The following PCSK7 variants were observed in gnomAD, a reference collection of about 807,000 sequenced individuals.
PCSK7 encodes the protein lymphoma proprotein convertase.
Under a neutral mutation model 73.3 loss-of-function variants are expected in PCSK7, and 38 were observed. The ratio of observed to expected loss-of-function variants is 0.52; its 90% confidence interval spans 0.40 to 0.68. PCSK7 has a LOEUF of 0.68. Ranked by LOEUF, PCSK7 falls within the 30% of genes least tolerant of loss-of-function variation. PCSK7 has a pLI of 0.00. For missense variants in PCSK7, 692 were observed against 991.5 expected (o/e 0.70, Z 4.06); for synonymous variants, 296 against 383.8 (o/e 0.77, Z 2.68).
At position 117,204,725 on chromosome 11, in the gene PCSK7, C is replaced by G. The variant is rs2031266780; in HGVS notation, c.*1272G>C. Reference sequence around the variant, plus strand: ...AAGAAGAACCAGCCCAGCCTGCCCCCTATCTTGTCCTGGAATATTTTTGGG... The same window carrying G: ...AAGAAGAACCAGCCCAGCCTGCCCCGTATCTTGTCCTGGAATATTTTTGGG... On this transcript the variant is annotated 3_prime_UTR_variant, in exon 17 of 17. Coordinates refer to ENST00000320934, the MANE Select transcript of PCSK7 (RefSeq NM_004716.4). 5 of 318,594 alleles carry G rather than the reference C, an allele frequency of 1.6e-5. No individual in the cohort carries two copies. The South Asian group carries it at 2.1e-4, about 13-fold the overall frequency. 19.7% of individuals were successfully genotyped at this position (318,594 alleles called of 1,614,324 possible).
chr11:117,224,148 G>A lies in PCSK7; in HGVS notation c.984C>T (p.Gly328=). The A allele has an allele frequency of 6.2e-7, 1 of 1,614,110 alleles. No homozygotes were observed. Among genetic ancestry groups the A allele is most frequent in the Non-Finnish European group, 8.5e-7 (1 of 1,179,952 alleles). The change falls in exon 8 of 17, where the codon GGC becomes GGT. Residue 328 remains glycine (G), a synonymous_variant. Coordinates refer to ENST00000320934, the MANE Select transcript of PCSK7 (RefSeq NM_004716.4). The stretch of plus-strand genomic sequence containing the variant: ...AGTTGTCGTTGTGTTGGCCTCCGTT[G>A]CCACTGGCTACCACAAAGATGCTCC... ...GFGSIFVVAS[G]NGGQHNDNCN... is the part of the protein sequence containing the mutation.
intron 13 of PCSK7, 65 bp from the exon 14 acceptor site, chr11:117,208,129 AAC>A (rs1429886430): frequency 2.4e-6 from 1 of 409,042 alleles, no homozygotes; most frequent in African/African-American, 3.7e-5. Flanking sequence ...TTCCCCCAGC[AAC>A]ACTTTCTTAC....
At position 117,223,330 on chromosome 11, in the gene PCSK7, T is replaced by G. The variant is rs1206249677; in HGVS notation, c.1055-22A>C. On this transcript the variant is annotated intron_variant, in intron 8 of 16. Coordinates refer to ENST00000320934, the MANE Select transcript of PCSK7 (RefSeq NM_004716.4). ...GCTCCTAGGGACAGAGGAGGGAGAT[T>G]AGAGCTGAGATGCAGAGGGGGTCCT... The G allele has an allele frequency of 2.1e-6, 3 of 1,451,828 alleles. No individual in the cohort carries two copies. The South Asian group carries it at 3.4e-5, about 17-fold the overall frequency. 89.9% of individuals were successfully genotyped at this position (1,451,828 alleles called of 1,614,324 possible).
At chr11:117,214,269 A>T (rs1386916885) in intron 12 of PCSK7, 3 of 152,010 alleles carry the variant, frequency 2.0e-5, no homozygotes, top group African/African-American at 7.3e-5. Flanking sequence ...TTTGCCCATA[A>T]TCTTATGGAA....
intron 1 of PCSK7, among the ~76,000 whole-genome samples, chr11:117,230,880 A>G (rs902813928): frequency 3.3e-5 from 5 of 152,132 alleles, no homozygotes; most frequent in Non-Finnish European, 7.4e-5. Flanking sequence ...AACAAAACAG[A>G]ACAGGCACCA....
At position 117,218,593 on chromosome 11, in the gene PCSK7, C is replaced by T; in HGVS notation, c.1432-25G>A. The T allele has an allele frequency of 7.8e-7, 1 of 1,286,916 alleles. No homozygotes were observed. The highest frequency in any genetic ancestry group is 1.5e-5 in the African/African-American group (1 of 67,674). 79.7% of individuals were successfully genotyped at this position (1,286,916 alleles called of 1,614,324 possible). On this transcript the variant is annotated intron_variant, in intron 11 of 16. Transcript: ENST00000320934. This position sits in a 1 kb window ranked among gnomAD's most constrained non-coding sequence, Gnocchi z 4.0. ...TCTATGAAAGGAAAGGAGGGGATGG[C>T]AAATCAACAAACAAGAATGATCACA...
chr11:117,229,259 G>T, intron 3 of PCSK7, 118 bp downstream of exon 3: 2 of 813,382 alleles, frequency 2.5e-6, no homozygotes, highest in Non-Finnish European at 2.0e-6. Flanking sequence ...ACAGAACCGG[G>T]AAATGGTCCC....
chr11:117,226,182 A>G, intron 5 of PCSK7, 161 bp from the exon 6 acceptor site: 3 of 606,002 alleles, frequency 5.0e-6, no homozygotes, highest in Non-Finnish European at 8.8e-6. Context: ...TGTCACCCAG[A>G]CTGGAGTGCA....
In PCSK7 at chr11:117,229,758, G is replaced by A. The variant is rs756817038; in HGVS notation, c.87C>T (p.Phe29=). The change falls in exon 3 of 17, where the codon TTC becomes TTT. Residue 29 remains phenylalanine (F), a synonymous_variant. Coordinates refer to ENST00000320934, the MANE Select transcript of PCSK7 (RefSeq NM_004716.4). ...GGCCCATGACCCAGGGAACCAGTAA[G>A]AAGAGCCCGGCTAATTCCAGCCAGA... is the stretch of plus-strand genomic sequence containing the variant. ...TCLWLELAGL[F]LLVPWVMGLA... 6.2e-7 allele frequency: 1 copy of A among 1,613,706 alleles called. No individual in the cohort carries two copies. The highest frequency in any genetic ancestry group is 2.2e-5 in the East Asian group (1 of 44,878).
At chr11:117,207,237 GC>G (rs1417582986) in intron 14 of PCSK7, 77 bp from the exon 15 acceptor site, 2 of 694,388 alleles carry the variant, frequency 2.9e-6, no homozygotes, top group African/African-American at 3.8e-5. Context: ...TGCCCGCCCT[GC>G]CACCCAAAGG....
At chr11:117,212,095 G>A (rs1378140178) in intron 12 of PCSK7, 1 of 151,762 alleles carries the variant, frequency 6.6e-6, no homozygotes, top group Non-Finnish European at 1.5e-5. Flanking sequence ...AAAATAGTAT[G>A]CATGAATTTA....
intron 6 of PCSK7, 65 bp from the exon 7 acceptor site, chr11:117,224,820 T>C: frequency 8.2e-7 from 1 of 1,218,356 alleles, no homozygotes; most frequent in Non-Finnish European, 1.2e-6. Context: ...ACCCAGCGCC[T>C]CCCAGTCTCA....
chr11:117,224,030 A>T (rs758956991), intron 8 of PCSK7, 48 bp downstream of exon 8: 1 of 1,594,988 alleles, frequency 6.3e-7, no homozygotes, highest in South Asian at 1.1e-5. Flanking sequence ...TGATGCCCTA[A>T]CCCTTCGGTG....
Position 117,223,315 on chromosome 11 carries a change from A to AC in PCSK7, c.1055-8dup, listed in dbSNP as rs757475160. ...CCCTCCTCATCCACAGCTCCTAGGG[A>AC]CAGAGGAGGGAGATTAGAGCTGAGA... On this transcript the variant is annotated splice_polypyrimidine_tract_variant and splice_region_variant and intron_variant, in intron 8 of 16. Coordinates refer to ENST00000320934, the MANE Select transcript of PCSK7 (RefSeq NM_004716.4). 6.4e-7 allele frequency: 1 copy of AC among 1,562,142 alleles called. No homozygotes were observed. The highest frequency in any genetic ancestry group is 1.1e-5 in the South Asian group (1 of 90,050).
rs772590772 is a variant in PCSK7 at position 117,227,946 on chromosome 11, C to T, written c.603+270G>A. Among the ~76,000 whole-genome samples, 17 of 152,234 alleles carry T rather than the reference C, an allele frequency of 1.1e-4. No homozygotes were observed. The South Asian group carries it at 3.1e-3, about 28-fold the overall frequency. On this transcript the variant is annotated intron_variant, in intron 4 of 16. Transcript: ENST00000320934. The stretch of plus-strand genomic sequence containing the variant: ...CACGCTTTAGAGAGAGGAAGGCACT[C>T]GGATTTCCAACAAGAGGGAAGTTGC...
In PCSK7 at chr11:117,219,102, G is replaced by A. The variant is rs369570894; in HGVS notation, c.1386C>T (p.His462=). Residue 462 remains histidine (H), a synonymous_variant, in exon 11 of 17, where the codon CAC becomes CAT. Coordinates refer to ENST00000320934, the MANE Select transcript of PCSK7 (RefSeq NM_004716.4). ...NEAGFSHSHQ[H]GFGLLNAWRL... is the part of the protein sequence containing the mutation. ...TCCAGGCGTTGAGGAGGCCGAAACC[G>A]TGCTGGTGGCTATGGCTGAAGCCTG... is the stretch of plus-strand genomic sequence containing the variant. 27 of 1,610,970 alleles carry A rather than the reference G, an allele frequency of 1.7e-5. No individual in the cohort carries two copies. The highest frequency in any genetic ancestry group is 4.4e-5 in the South Asian group (4 of 91,068).
intron 7 of PCSK7, 32 bp downstream of exon 7, chr11:117,224,669 C>A: frequency 1.3e-6 from 2 of 1,572,326 alleles, no homozygotes; most frequent in African/African-American, 1.3e-5. Flanking sequence ...GAGGGCATCC[C>A]GTTTCTCAGA....
At chr11:117,226,198 A>T (rs1476215233) in intron 5 of PCSK7, 177 bp from the exon 6 acceptor site, 1 of 595,406 alleles carries the variant, frequency 1.7e-6, no homozygotes. Context: ...GTGCAGTGGC[A>T]TGATCTCGGC....
chr11:117,224,411 G>A (rs2032329900), intron 7 of PCSK7, among the ~76,000 whole-genome samples, 195 bp from the exon 8 acceptor site: 1 of 152,300 alleles, frequency 6.6e-6, no homozygotes, highest in South Asian at 2.1e-4. Flanking sequence ...TGGGGCAGCT[G>A]TGAGTTGAAT....
Sources: gnomAD v4.1 joint callset for allele counts (sites outside exome capture counted in the v4.1 genomes callset) on GRCh38, gnomAD v4.1.1 for gene constraint, Gnocchi (gnomAD v3.1) non-coding constraint, MANE v1.5 for transcripts, NCBI Gene and HGNC (gene_info 2026-07-23, HGNC 2026-07-21) for gene names.